ZNF518A: variants seen among roughly 807,000 people sequenced by gnomAD.
ZNF518A encodes the protein zinc finger protein 518.
ZNF518A carries 47 observed loss-of-function variants against 102.7 expected under a neutral mutation model. That is an observed-to-expected ratio of 0.46 (90% CI 0.36 to 0.58). The LOEUF (loss-of-function observed/expected upper bound fraction) is 0.58, where lower values mean the gene tolerates loss of function less well. ZNF518A is among the 20% of genes least tolerant of loss of function. ZNF518A has a pLI of 0.00. For synonymous variants in ZNF518A, 652 were observed against 594.6 expected (o/e 1.10, Z -1.40); for missense variants, 1,793 against 1,699.8 (o/e 1.05, Z -0.96).
At chr10:96,164,041 T>C (rs587722901), downstream of ZNF518A, among the ~76,000 whole-genome samples, 3 of 152,300 alleles carry the variant, frequency 2.0e-5, no homozygotes, top group South Asian at 4.1e-4. Flanking sequence ...GTGCAACTTA[T>C]GAAGGGATTA....
intron 1 of ZNF518A, among the ~76,000 whole-genome samples, chr10:96,191,496 C>A (rs1351342752): frequency 6.6e-6 from 1 of 151,894 alleles, no homozygotes; most frequent in Non-Finnish European, 1.5e-5. Context: ...ATCCTTCTTG[C>A]CTATACTTAC....
chr10:96,155,049 TCATA>T (rs1259502663), intron 3 of ZNF518A, among the ~76,000 whole-genome samples: 6 of 151,242 alleles, frequency 4.0e-5, no homozygotes, highest in African/African-American at 7.3e-5. Flanking sequence ...TTTTGTCTAT[TCATA>T]CATATATATA....
At chr10:96,135,376 G>T (rs587762939) in intron 3 of ZNF518A, 1 of 152,188 alleles carries the variant, frequency 6.6e-6, no homozygotes, top group Admixed American at 6.5e-5. Context: ...GTGTAAATTG[G>T]TTTGAATTGG....
At chr10:96,167,975 T>C (rs587722960), downstream of ZNF518A, among the ~76,000 whole-genome samples, 5 of 152,350 alleles carry the variant, frequency 3.3e-5, no homozygotes, top group East Asian at 9.6e-4. Context: ...ATTTCAGTAA[T>C]GAAAAATTTG....
chr10:96,189,810 T>C (rs1355981135), intron 1 of ZNF518A: 1 of 1,120,334 alleles, frequency 8.9e-7, no homozygotes, highest in Admixed American at 1.7e-5. Context: ...TTTCCAGATA[T>C]CCTTAAGAGT....
At chr10:96,178,791 G>C (rs1355213276) in intron 1 of ZNF518A, among the ~76,000 whole-genome samples, 1 of 151,982 alleles carries the variant, frequency 6.6e-6, no homozygotes, top group Non-Finnish European at 1.5e-5. Context: ...ATATATATTA[G>C]ACTATGTTAT....
intron 1 of ZNF518A, among the ~76,000 whole-genome samples, chr10:96,186,715 C>A (rs1554892616): frequency 1.3e-5 from 2 of 152,166 alleles, no homozygotes. Flanking sequence ...TTATTATCTT[C>A]ATTTTACAAA....
At chr10:96,201,622 T>C (rs1554896177) in intron 1 of ZNF518A, among the ~76,000 whole-genome samples, 3 of 152,022 alleles carry the variant, frequency 2.0e-5, no homozygotes, top group Admixed American at 2.0e-4. Context: ...ATTTTAAGAG[T>C]GTTAAAGTGG....
chr10:96,159,495 C>T lies in ZNF518A; in HGVS notation c.3173C>T (p.Ser1058Phe). 2 of 1,613,850 alleles carry T rather than the reference C, an allele frequency of 1.2e-6. No individual in the cohort carries two copies. Among genetic ancestry groups the T allele is most frequent in the Non-Finnish European group, 1.7e-6 (2 of 1,179,786 alleles). ...KGPYILKPTS[S>F]VKAVLIPNML... ...CCTTACATTTTGAAACCAACGAGTT[C>T]TGTGAAAGCTGTTCTTATTCCTAAC... The change falls in exon 6 of 6, where the codon TCT becomes TTT. Residue 1058 changes from serine to phenylalanine, a missense_variant. This residue lies in a region of ZNF518A where 1,741 missense variants were observed against 1,622.6 expected (regional missense o/e 1.07). Coordinates refer to ENST00000316045, the MANE Select transcript of ZNF518A (RefSeq NM_001330736.2).
intron 3 of ZNF518A, among the ~76,000 whole-genome samples, chr10:96,139,042 C>T (rs2081772681): frequency 6.6e-6 from 1 of 150,448 alleles, no homozygotes; most frequent in African/African-American, 2.5e-5. Flanking sequence ...AGGATGTAGC[C>T]TTTTGAAGAA....
intron 1 of ZNF518A, among the ~76,000 whole-genome samples, chr10:96,180,704 A>G (rs1554891941): frequency 6.6e-6 from 1 of 152,162 alleles, no homozygotes; most frequent in Admixed American, 6.5e-5. Flanking sequence ...ATAGTATTCC[A>G]TGGTGTATAT....
intron 1 of ZNF518A, among the ~76,000 whole-genome samples, chr10:96,191,256 T>A (rs1188683260): frequency 6.8e-6 from 1 of 146,634 alleles, no homozygotes; most frequent in Non-Finnish European, 1.5e-5. Context: ...TTTTTTTTTA[T>A]GTAAATCACC....
chr10:96,165,993 T>G (rs1324677888), downstream of ZNF518A, among the ~76,000 whole-genome samples: 1 of 152,016 alleles, frequency 6.6e-6, no homozygotes, highest in African/African-American at 2.4e-5. Flanking sequence ...CAGACTGAGA[T>G]AGAAGGCCTG....
intron 1 of ZNF518A, among the ~76,000 whole-genome samples, chr10:96,131,393 T>G (rs892155983): frequency 6.6e-6 from 1 of 152,256 alleles, no homozygotes; most frequent in Non-Finnish European, 1.5e-5. Flanking sequence ...ACTGCAAATT[T>G]ATAGAAATGC....
chr10:96,201,738 G>GCATTCATT (rs59428057), intron 1 of ZNF518A, among the ~76,000 whole-genome samples: 8,874 of 138,654 alleles, frequency 0.064, 302 homozygotes, highest in Non-Finnish European at 0.079. Flanking sequence ...AGACTTATCT[G>GCATTCATT]CATTCATTCA....
chr10:96,159,826 A>G lies in ZNF518A; in HGVS notation c.3504A>G (p.Ser1168=). 6.2e-7 allele frequency: 1 copy of G among 1,613,628 alleles called. No individual in the cohort carries two copies. The highest frequency in any genetic ancestry group is 8.5e-7 in the Non-Finnish European group (1 of 1,179,746). The stretch of plus-strand genomic sequence containing the variant: ...TGTCAGTAAGCAACTCTGCATCCTC[A>G]TTGCAAAAAGACAACGTACCATCTA... ...NNLSVSNSAS[S]LQKDNVPSNQ... Residue 1168 remains serine (S), a synonymous_variant, in exon 6 of 6, where the codon TCA becomes TCG. Coordinates refer to ENST00000316045, the MANE Select transcript of ZNF518A (RefSeq NM_001330736.2).
intron 1 of ZNF518A, among the ~76,000 whole-genome samples, chr10:96,191,012 G>T (rs1429026523): frequency 6.6e-6 from 1 of 152,142 alleles, no homozygotes; most frequent in African/African-American, 2.4e-5. Context: ...CACGTGCCAT[G>T]GGAGGGACCT....
intron 1 of ZNF518A, chr10:96,201,172 T>A (rs1163475159): frequency 1.1e-5 from 10 of 943,250 alleles, no homozygotes; most frequent in Non-Finnish European, 1.7e-5. Flanking sequence ...CCAAAAAAAA[T>A]CCTTAAGGCA....
chr10:96,131,684 G>T (rs781969282), intron 1 of ZNF518A, among the ~76,000 whole-genome samples: 2 of 152,170 alleles, frequency 1.3e-5, no homozygotes, highest in Non-Finnish European at 2.9e-5. Flanking sequence ...CTGGTTTTAT[G>T]GAAGGACAAA....
Sources: allele counts gnomAD v4.1 joint callset (sites outside exome capture counted in the v4.1 genomes callset), GRCh38; gene constraint gnomAD v4.1.1; regional missense constraint gnomAD v4.1.1; transcripts MANE v1.5; gene names NCBI Gene and HGNC (gene_info 2026-07-23, HGNC 2026-07-21).